Variants in CADM2 observed in about 807,000 individuals in gnomAD.
CADM2 encodes cell adhesion molecule 2.
A neutral mutation model predicts 49.8 loss-of-function variants in CADM2; 12 were observed. The observed-to-expected ratio is 0.24, with a 90% CI of 0.15 to 0.39. CADM2 has a LOEUF of 0.39. Among genes scored for constraint, CADM2 ranks in the 10% least tolerant of loss-of-function variants. The pLI is 1.00. For synonymous variants in CADM2, 214 were observed against 175.4 expected, an observed-to-expected ratio of 1.22 and a Z score of -1.74; for missense variants, 378 against 492.3, an observed-to-expected ratio of 0.77 and a Z score of 2.20.
In CADM2 at chr3:85,015,492, A is replaced by G. The variant is rs150616840; in HGVS notation, c.61+55824A>G. Among the ~76,000 whole-genome samples, 27 of 152,294 alleles carry G rather than the reference A, an allele frequency of 1.8e-4. 1 individual carries two copies. In the East Asian group the frequency reaches 3.7e-3, roughly 21 times the overall value. Reference sequence around the variant, plus strand: ...GCAATTCAATTGTTTCTGAAACTAAATTTTATATTGAATGCCCTTCTGTAT... The same window carrying G: ...GCAATTCAATTGTTTCTGAAACTAAGTTTTATATTGAATGCCCTTCTGTAT... On this transcript the variant is annotated intron_variant, in intron 1 of 9. Coordinates refer to ENST00000383699, the MANE Select transcript of CADM2 (RefSeq NM_001167675.2).
chr3:86,012,553 G>A (rs894993576), intron 8 of CADM2: 94 of 1,484,722 alleles, frequency 6.3e-5, no homozygotes, highest in Non-Finnish European at 1.6e-5. Context: ...GCCAGCGGGC[G>A]GGCGAAGATG....
At chr3:85,267,283 G>A (rs899863466) in intron 1 of CADM2, among the ~76,000 whole-genome samples, 7 of 151,640 alleles carry the variant, frequency 4.6e-5, no homozygotes, top group Non-Finnish European at 8.9e-5. Context: ...GTTTTGTCTG[G>A]TTACAGTTGG....
rs527319722 is a variant in CADM2 at position 85,426,843 on chromosome 3, T to C, written c.62-299679T>C. Among the ~76,000 whole-genome samples the C allele has an allele frequency of 2.0e-5, 3 of 152,186 alleles. No homozygotes were observed. In the South Asian group the frequency reaches 6.2e-4, roughly 32 times the overall value. On this transcript the variant is annotated intron_variant, in intron 1 of 9. Coordinates refer to ENST00000383699, the MANE Select transcript of CADM2 (RefSeq NM_001167675.2). ...AACATAGCTCCCCCAAAGAAAGACATTGACATGCTAAAATTATTAAAGTGA... is the reference window on the plus strand; with the variant it reads ...AACATAGCTCCCCCAAAGAAAGACACTGACATGCTAAAATTATTAAAGTGA...
intron 1 of CADM2, among the ~76,000 whole-genome samples, chr3:85,643,802 T>C (rs1423760582): frequency 1.3e-5 from 2 of 152,146 alleles, no homozygotes; most frequent in African/African-American, 4.8e-5. Context: ...AGGATTATTG[T>C]TATTATATGT....
At chr3:85,737,257 C>T (rs555485817) in intron 2 of CADM2, among the ~76,000 whole-genome samples, 2 of 152,062 alleles carry the variant, frequency 1.3e-5, no homozygotes, top group Non-Finnish European at 2.9e-5. Flanking sequence ...TAAAGTAGTT[C>T]TTGTCTGTAT....
chr3:85,098,430 TC>T (rs1416336944), intron 1 of CADM2, among the ~76,000 whole-genome samples: 2 of 152,122 alleles, frequency 1.3e-5, no homozygotes, highest in African/African-American at 2.4e-5. Context: ...CTTGCACAAG[TC>T]ACCACGCTTT....
intron 1 of CADM2, among the ~76,000 whole-genome samples, chr3:85,213,648 G>A (rs1392440154): frequency 2.6e-5 from 4 of 151,888 alleles, no homozygotes; most frequent in African/African-American, 7.3e-5. Context: ...CCTTCTCTTG[G>A]TTTGGAAAGT....
At position 85,881,522 on chromosome 3, in the gene CADM2, C is replaced by T. The variant is rs1027709177; in HGVS notation, c.239-1769C>T. ...TGCTAATTAGATTTATTCTAAGAAG[C>T]AGTTGCCCTGTTAAGGTATAACATG... On this transcript the variant is annotated intron_variant, in intron 3 of 9. Coordinates refer to ENST00000383699, the MANE Select transcript of CADM2 (RefSeq NM_001167675.2). Among the ~76,000 whole-genome samples, 7 of 152,178 alleles carry T rather than the reference C, an allele frequency of 4.6e-5. No individual in the cohort carries two copies. The South Asian group carries it at 6.2e-4, about 14-fold the overall frequency.
intron 3 of CADM2, among the ~76,000 whole-genome samples, chr3:85,811,060 A>G (rs992545764): frequency 3.3e-5 from 5 of 152,214 alleles, no homozygotes; most frequent in African/African-American, 1.2e-4. Flanking sequence ...TGTAAGCATC[A>G]AGACTGAAAT....
At chr3:85,488,786 C>T (rs1442679689) in intron 1 of CADM2, among the ~76,000 whole-genome samples, 4 of 152,110 alleles carry the variant, frequency 2.6e-5, no homozygotes, top group African/African-American at 9.7e-5. Context: ...TCCTCGGCCT[C>T]CCAAAGTGCT....
chr3:85,343,224 A>G (rs1402871057), intron 1 of CADM2, among the ~76,000 whole-genome samples: 1 of 152,224 alleles, frequency 6.6e-6, no homozygotes, highest in Non-Finnish European at 1.5e-5. Flanking sequence ...GAAAACCTGT[A>G]CATGATGGTA....
Position 85,949,377 on chromosome 3 carries a change from T to G in CADM2, c.792-12092T>G, listed in dbSNP as rs543251375. Among the ~76,000 whole-genome samples, 3 of 151,464 alleles carry G rather than the reference T, an allele frequency of 2.0e-5. No individual in the cohort carries two copies. In the East Asian group the frequency reaches 5.9e-4, roughly 30 times the overall value. ...GTCACACCTTAAAGGGTTTGAAAATTGTTACAATAAGCATATCAGCTATGA... is the reference window on the plus strand; with the variant it reads ...GTCACACCTTAAAGGGTTTGAAAATGGTTACAATAAGCATATCAGCTATGA... On this transcript the variant is annotated intron_variant, in intron 7 of 9. Transcript: ENST00000383699.
intron 1 of CADM2, among the ~76,000 whole-genome samples, chr3:85,212,878 C>CT (rs917854912): frequency 4.2e-5 from 5 of 119,460 alleles, no homozygotes; most frequent in African/African-American, 1.7e-4. Flanking sequence ...TTCTTTCTTT[C>CT]TTTCTTTCTC....
At chr3:85,530,192 T>C (rs1418025945) in intron 1 of CADM2, among the ~76,000 whole-genome samples, 1 of 152,102 alleles carries the variant, frequency 6.6e-6, no homozygotes, top group Non-Finnish European at 1.5e-5. Context: ...TTCACACACT[T>C]GCTTGCTCTG....
chr3:85,486,449 T>C (rs2039420456), intron 1 of CADM2, among the ~76,000 whole-genome samples: 1 of 152,158 alleles, frequency 6.6e-6, no homozygotes, highest in Non-Finnish European at 1.5e-5. Flanking sequence ...AAAAGATTGT[T>C]AATTAATCCA....
chr3:85,131,877 G>C (rs2107610626), intron 1 of CADM2, among the ~76,000 whole-genome samples: 1 of 135,944 alleles, frequency 7.4e-6, no homozygotes, highest in East Asian at 2.8e-4. Flanking sequence ...TATTAACAAT[G>C]TGGCTGTATA....
rs544016950 is a variant in CADM2, at chr3:85,063,725, TA to T, written c.61+104062del. On this transcript the variant is annotated intron_variant, in intron 1 of 9. Transcript: ENST00000383699. ...GTTTTATTAATATTTTGAAATGGAG[TA>T]AAAATTTTTTGAACTAGTCAATTAT... is the stretch of plus-strand genomic sequence containing the variant. 2.3e-3 allele frequency among the ~76,000 whole-genome samples: 357 copies of T among 152,052 alleles called. 4 individuals are homozygous for T. The highest frequency in any genetic ancestry group is 8.2e-3 in the African/African-American group (340 of 41,518).
chr3:85,957,112 T>G lies in CADM2; in HGVS notation c.792-4357T>G, dbSNP rs538514106. On this transcript the variant is annotated intron_variant, in intron 7 of 9. Transcript: ENST00000383699. ...ACAAATCATAGTTTTATTTTATCAT[T>G]TTTTGCTGCTTCAAGAGATGTTAAC... Among the ~76,000 whole-genome samples the G allele has an allele frequency of 4.6e-5, 7 of 151,796 alleles. No homozygotes were observed. The South Asian group carries it at 1.5e-3, about 31-fold the overall frequency.
At chr3:85,475,914 C>T (rs535249917) in intron 1 of CADM2, among the ~76,000 whole-genome samples, 9 of 151,678 alleles carry the variant, frequency 5.9e-5, no homozygotes, top group Non-Finnish European at 1.2e-4. Context: ...TAGAAATGCT[C>T]AAAATATTCA....
Sources: gnomAD v4.1 joint callset for allele counts (sites outside exome capture counted in the v4.1 genomes callset) on GRCh38, gnomAD v4.1.1 for gene constraint, MANE v1.5 for transcripts, NCBI Gene and HGNC (gene_info 2026-07-23, HGNC 2026-07-21) for gene names.